SHPRH: variants seen among roughly 807,000 people sequenced by gnomAD.
SHPRH encodes the protein E3 ubiquitin-protein ligase SHPRH.
Under a neutral mutation model 202.5 loss-of-function variants are expected in SHPRH, and 106 were observed. The ratio of observed to expected loss-of-function variants is 0.52; its 90% CI spans 0.45 to 0.62. The LOEUF (loss-of-function observed/expected upper bound fraction) is 0.62, where lower values mean the gene tolerates loss of function less well. SHPRH is among the 20% of genes least tolerant of loss of function. The pLI, the probability that SHPRH is intolerant of heterozygous loss-of-function variation, is 0.00. For synonymous variants in SHPRH, 729 were observed against 686.0 expected (o/e 1.06, Z -0.98); for missense variants, 1,710 against 2,020.0 (o/e 0.85, Z 2.94).
chr6:145,952,636 G>A (rs1359693582), intron 2 of SHPRH, among the ~76,000 whole-genome samples, 158 bp from the exon 3 acceptor site: 1 of 151,958 alleles, frequency 6.6e-6, no homozygotes, highest in Non-Finnish European at 1.5e-5. Context: ...TCCCCCACGT[G>A]TTTCATTTTC....
chr6:145,891,877 T>C (rs939025902), intron 28 of SHPRH, among the ~76,000 whole-genome samples: 5 of 152,122 alleles, frequency 3.3e-5, no homozygotes, highest in Admixed American at 1.3e-4. Context: ...TAAAAGAACA[T>C]TGGTAGGACA....
At chr6:145,931,210 T>A (rs144306611) in intron 14 of SHPRH, among the ~76,000 whole-genome samples, 1 of 152,284 alleles carries the variant, frequency 6.6e-6, no homozygotes, top group East Asian at 1.9e-4. Context: ...TTAATTGGGA[T>A]ATTTAGACCA....
chr6:145,950,464 T>C lies in SHPRH; in HGVS notation c.782A>G (p.Glu261Gly), dbSNP rs1787859332. The part of the protein sequence containing the change: ...SIIPDVLEED[E>G]DDPESEPEGQ... ...CTCTGGCTCACTCTCCGGATCATCTTCATCCTCTTCCAACACATCTGTACA... is the reference window on the plus strand; with the variant it reads ...CTCTGGCTCACTCTCCGGATCATCTCCATCCTCTTCCAACACATCTGTACA... Residue 261 changes from glutamate (E) to glycine (G), a missense_variant, in exon 4 of 30, where the codon GAA (glutamate) becomes GGA (glycine). Glu to Gly is a moderately conservative substitution (Grantham distance 98). This residue lies in a region of SHPRH where 459 missense variants were observed against 426.5 expected (regional missense o/e 1.08). Coordinates refer to ENST00000275233, the MANE Select transcript of SHPRH (RefSeq NM_001042683.3). The C allele has an allele frequency of 6.2e-7, 1 of 1,612,948 alleles. No individual in the cohort carries two copies. Among genetic ancestry groups the C allele is most frequent in the Non-Finnish European group, 8.5e-7 (1 of 1,179,226 alleles).
At chr6:145,904,728 C>CAA (rs1244709109) in intron 25 of SHPRH, 1 of 151,940 alleles carries the variant, frequency 6.6e-6, no homozygotes, top group African/African-American at 2.4e-5. Context: ...CACAATGGTA[C>CAA]AATAGTCTTA....
In SHPRH at chr6:145,904,790, ATTATCT is replaced by A. The variant is rs1782805524; in HGVS notation, c.4515+5652_4515+5657del. On this transcript the variant is annotated intron_variant, in intron 25 of 29. Coordinates refer to ENST00000275233, the MANE Select transcript of SHPRH (RefSeq NM_001042683.3). ...ATGTGCATCTATGATAAAAAGGGAA[ATTATCT>A]TTAGTAAATTCTATAAACTTAATTT... The A allele has an allele frequency of 2.0e-5, 3 of 152,106 alleles. No homozygotes were observed. In the South Asian group the frequency reaches 6.2e-4, roughly 32 times the overall value. 9.4% of individuals were successfully genotyped at this position (152,106 alleles called of 1,614,324 possible).
chr6:145,881,995 T>C (rs544606670), downstream of SHPRH, among the ~76,000 whole-genome samples: 20 of 151,666 alleles, frequency 1.3e-4, no homozygotes, highest in East Asian at 3.9e-4. Flanking sequence ...ACCTGGGAGG[T>C]TGAGGTGAGG....
Position 145,921,352 on chromosome 6 carries a change from C to T in SHPRH, c.3823G>A (p.Asp1275Asn). Reference protein sequence around the residue: ...QTAIFEEMIEDEEGLVDDRAP... With the variant: ...QTAIFEEMIENEEGLVDDRAP... ...CGATCATCCACCAGTCCTTCTTCAT[C>T]TTCTATCATCTCCTCAAATATTGCA... Residue 1275 changes from aspartate (D) to asparagine (N), a missense_variant, in exon 21 of 30, where the codon GAT becomes AAT. Physicochemically the swap from Asp to Asn is conservative, Grantham distance 23 (BLOSUM62 1). Around this residue, in one of 8 missense-constraint regions of SHPRH, gnomAD observed 288 missense variants for 317.8 expected, o/e 0.91. Coordinates refer to ENST00000275233, the MANE Select transcript of SHPRH (RefSeq NM_001042683.3). 1 of 1,612,682 alleles carries T rather than the reference C, an allele frequency of 6.2e-7. No homozygotes were observed. Among genetic ancestry groups the T allele is most frequent in the South Asian group, 1.1e-5 (1 of 91,052 alleles).
In SHPRH at chr6:145,904,658, G is replaced by A. The variant is rs994092805; in HGVS notation, c.4515+5790C>T. ...ATGGTAACAGAAAAAGCAGTGAAGAGCCAACCTAAACATGGCGTGAAGCAG... is the reference window on the plus strand; with the variant it reads ...ATGGTAACAGAAAAAGCAGTGAAGAACCAACCTAAACATGGCGTGAAGCAG... On this transcript the variant is annotated intron_variant, in intron 25 of 29. Transcript: ENST00000275233. 5.3e-5 allele frequency: 8 copies of A among 152,210 alleles called. 1 individual carries two copies. Among genetic ancestry groups the A allele is most frequent in the African/African-American group, 1.9e-4 (8 of 41,418 alleles). The allele number at this position is 152,210 out of a possible 1,614,324, so 9.4% of individuals were successfully genotyped here.
intron 2 of SHPRH, among the ~76,000 whole-genome samples, chr6:145,878,932 C>A (rs1780429103): frequency 1.3e-5 from 2 of 152,126 alleles, no homozygotes; most frequent in Non-Finnish European, 2.9e-5. Flanking sequence ...TTACTGATAT[C>A]AAAATCAAGG....
chr6:145,861,622 A>G (rs1405693748), downstream of SHPRH, among the ~76,000 whole-genome samples: 1 of 152,212 alleles, frequency 6.6e-6, no homozygotes. Flanking sequence ...TTAAATCAGT[A>G]TCTTGAAGAG....
chr6:145,871,426 T>C (rs1780050250), intron 2 of SHPRH: 1 of 152,110 alleles, frequency 6.6e-6, no homozygotes, highest in Non-Finnish European at 1.5e-5. Context: ...AGCCAAATCA[T>C]GAATGAGCTT....
At chr6:145,919,591 T>C in intron 21 of SHPRH, 100 bp from the exon 22 acceptor site, 1 of 1,397,848 alleles carries the variant, frequency 7.2e-7, no homozygotes, top group Non-Finnish European at 9.6e-7. Flanking sequence ...AATGAGATCT[T>C]ACACTTTTTC....
At chr6:145,895,772 CTAGTTA>C (rs1318735585) in intron 25 of SHPRH, among the ~76,000 whole-genome samples, 2 of 151,964 alleles carry the variant, frequency 1.3e-5, no homozygotes, top group Non-Finnish European at 2.9e-5. Context: ...CTACAACTCA[CTAGTTA>C]TAGTTTCTAA....
chr6:145,910,187 A>G (rs1783368344), intron 25 of SHPRH: 1 of 354,994 alleles, frequency 2.8e-6, no homozygotes, highest in African/African-American at 2.0e-5. Flanking sequence ...AGGATAGGAA[A>G]CTGTAATTTT....
chr6:145,935,136 T>C lies in SHPRH; in HGVS notation c.2761A>G (p.Ile921Val). 1.9e-6 allele frequency: 3 copies of C among 1,613,916 alleles called. No individual in the cohort carries two copies. The highest frequency in any genetic ancestry group is 2.5e-6 in the Non-Finnish European group (3 of 1,179,978). ...QIQIPPQTEEIHWLHFSPVER... is the reference protein window; with the variant it reads ...QIQIPPQTEEVHWLHFSPVER... Reference sequence around the variant, plus strand: ...ACTGGAGAAAAGTGGAGCCAGTGTATTTCTTCGGTTTGTGGTGGTATTTGG... The same window carrying C: ...ACTGGAGAAAAGTGGAGCCAGTGTACTTCTTCGGTTTGTGGTGGTATTTGG... The change falls in exon 13 of 30, where the codon ATA (isoleucine) becomes GTA (valine). Residue 921 changes from isoleucine to valine, a missense_variant. Physicochemically the swap from Ile to Val is conservative, Grantham distance 29. This residue lies in a region of SHPRH where 277 missense variants were observed against 363.0 expected (regional missense o/e 0.76). Coordinates refer to ENST00000275233, the MANE Select transcript of SHPRH (RefSeq NM_001042683.3).
At chr6:145,905,037 G>C (rs190193053) in intron 25 of SHPRH, 1 of 152,172 alleles carries the variant, frequency 6.6e-6, no homozygotes, top group East Asian at 1.9e-4. Context: ...CAGTTTCGTA[G>C]AGGCTGTGCT....
intron 2 of SHPRH, among the ~76,000 whole-genome samples, chr6:145,865,658 A>G (rs985376601): frequency 6.6e-5 from 10 of 152,186 alleles, no homozygotes; most frequent in African/African-American, 2.2e-4. Flanking sequence ...GCATTTGAGT[A>G]AGTTCTGAAG....
intron 2 of SHPRH, among the ~76,000 whole-genome samples, chr6:145,867,442 G>C (rs1264933281): frequency 6.6e-6 from 1 of 151,262 alleles, no homozygotes; most frequent in South Asian, 2.1e-4. Flanking sequence ...GGATTAACCT[G>C]GTGGACCCTC....
rs761006186 is a variant in SHPRH at position 145,952,328 on chromosome 6, T to A, written c.763+21A>T. On this transcript the variant is annotated intron_variant, in intron 3 of 29. Transcript: ENST00000275233. ...ACAACTCCTAAGTAATAGCAATTTT[T>A]AAGTTTACTGTAAATATTACCTGGA... is the stretch of plus-strand genomic sequence containing the variant. 4.5e-6 allele frequency: 7 copies of A among 1,569,044 alleles called. No homozygotes were observed. The Admixed American group carries it at 5.4e-5, about 12-fold the overall frequency.
Sources: gnomAD v4.1 joint callset for allele counts (sites outside exome capture counted in the v4.1 genomes callset) on GRCh38, gnomAD v4.1.1 for gene constraint, gnomAD v4.1.1 regional missense constraint, MANE v1.5 for transcripts, NCBI Gene and HGNC (gene_info 2026-07-23, HGNC 2026-07-21) for gene names.